Variants in RGS3 observed in about 807,000 individuals in gnomAD.
RGS3 encodes the protein regulator of G-protein signalling 3.
A neutral mutation model predicts 132.6 loss-of-function variants in RGS3; 80 were observed. That is an observed-to-expected ratio of 0.60 (90% confidence interval 0.50 to 0.73). The LOEUF is 0.73. Among genes scored for constraint, RGS3 ranks in the 30% least tolerant of loss-of-function variants. The pLI, the probability that RGS3 is intolerant of heterozygous loss-of-function variation, is 0.00. For missense variants in RGS3, 1,382 were observed against 1,530.8 expected, an observed-to-expected ratio of 0.90 and a Z score of 1.62; for synonymous variants, 598 against 620.6, an observed-to-expected ratio of 0.96 and a Z score of 0.54.
chr9:113,586,107 T>A (rs887386439), intron 20 of RGS3, among the ~76,000 whole-genome samples: 20 of 152,334 alleles, frequency 1.3e-4, no homozygotes, highest in African/African-American at 4.8e-4. Context: ...GGGATCATGA[T>A]CTTGCCAAAG....
At chr9:113,580,503 C>T (rs949764545) in intron 19 of RGS3, among the ~76,000 whole-genome samples, 2 of 152,222 alleles carry the variant, frequency 1.3e-5, no homozygotes, top group South Asian at 4.1e-4. Context: ...TCACTGGGCT[C>T]AATTCCAGAT....
chr9:113,572,364 C>A (rs1834328011), intron 19 of RGS3, among the ~76,000 whole-genome samples: 1 of 151,936 alleles, frequency 6.6e-6, no homozygotes, highest in South Asian at 2.1e-4. Flanking sequence ...TGACATCACC[C>A]CCAAGCAGAG....
chr9:113,545,807 G>A (rs1833089402), intron 19 of RGS3, among the ~76,000 whole-genome samples: 1 of 152,186 alleles, frequency 6.6e-6, no homozygotes, highest in Admixed American at 6.5e-5. Flanking sequence ...CTTACAAGGT[G>A]TGTTACCCCT....
chr9:113,572,028 T>C (rs1294386513), intron 19 of RGS3, among the ~76,000 whole-genome samples: 1 of 151,990 alleles, frequency 6.6e-6, no homozygotes, highest in Non-Finnish European at 1.5e-5. Flanking sequence ...GAAGAATGAG[T>C]AGAGCTTCAG....
chr9:113,502,611 G>A (rs1830950703), intron 10 of RGS3, among the ~76,000 whole-genome samples: 2 of 152,230 alleles, frequency 1.3e-5, no homozygotes, highest in African/African-American at 2.4e-5. Context: ...ATGGCAGAGT[G>A]GTGAGACAGA....
chr9:113,582,360 G>T, intron 19 of RGS3: 1 of 261,712 alleles, frequency 3.8e-6, no homozygotes, highest in Non-Finnish European at 5.9e-6. Context: ...TTTTCTGCCA[G>T]TGTGCGCGTG....
intron 7 of RGS3, among the ~76,000 whole-genome samples, chr9:113,492,001 G>T (rs577193875): frequency 1.3e-5 from 2 of 152,290 alleles, no homozygotes; most frequent in South Asian, 4.1e-4. Context: ...GTGGCCTAAC[G>T]TCAGAAAGCT....
intron 10 of RGS3, among the ~76,000 whole-genome samples, chr9:113,499,226 C>CAAAA (rs57507668): frequency 6.6e-5 from 4 of 60,612 alleles, no homozygotes; most frequent in Non-Finnish European, 9.8e-5. Context: ...GATTCCATCT[C>CAAAA]AAAAAAAAAA....
At chr9:113,569,942 C>T (rs1588267477) in intron 19 of RGS3, among the ~76,000 whole-genome samples, 2 of 152,136 alleles carry the variant, frequency 1.3e-5, no homozygotes, top group African/African-American at 4.8e-5. Context: ...GTCTATCCAC[C>T]CCTCAGAGGT....
chr9:113,523,024 G>A, exon 17 of RGS3: 1 of 1,612,760 alleles, frequency 6.2e-7, no homozygotes, highest in Non-Finnish European at 8.5e-7. Context: ...TACCTCCAGA[G>A]TGTGAAGCTG....
chr9:113,463,830 C>T lies in RGS3; in HGVS notation c.415+1629C>T, dbSNP rs765116949. ...GGAGCGCTCCCTGCACCGCGTCTCC[C>T]TCGGGAGCCGGCGTGCCCACCCGGA... On this transcript the variant is annotated intron_variant, in intron 3 of 24. Transcript: ENST00000350696. This position sits in a 1 kb window ranked among gnomAD's most constrained non-coding sequence, Gnocchi z 4.6. 3.7e-6 allele frequency: 6 copies of T among 1,612,982 alleles called. No individual in the cohort carries two copies. Among genetic ancestry groups the T allele is most frequent in the South Asian group, 1.1e-5 (1 of 91,008 alleles).
intron 3 of RGS3, 173 bp from the exon 2 acceptor site, chr9:113,479,318 G>A: frequency 1.4e-6 from 1 of 691,124 alleles, no homozygotes; most frequent in Non-Finnish European, 2.6e-6. Flanking sequence ...TCCCGATGTG[G>A]TGGGCGGGGC....
Position 113,506,527 on chromosome 9 carries a change from G to A in RGS3, c.1085+34G>A, listed in dbSNP as rs1324506333. The stretch of plus-strand genomic sequence containing the variant: ...GGACAGCGGGTGGCCTGGGGCCTCA[G>A]GCTGATGGCACACCCTCCCCACCCC... On this transcript the variant is annotated intron_variant, in intron 12 of 24. Transcript: ENST00000350696. The surrounding 1 kb of genome is among the most constrained non-coding windows in gnomAD (Gnocchi z 4.7). 6 of 1,417,778 alleles carry A rather than the reference G, an allele frequency of 4.2e-6. No homozygotes were observed. In the Admixed American group the frequency reaches 7.9e-5, roughly 19 times the overall value. The allele number at this position is 1,417,778 out of a possible 1,614,324, so 87.8% of individuals were successfully genotyped here. A position where few individuals can be genotyped will look rare whatever the true frequency, so the allele number is the denominator to read the frequency against.
At chr9:113,473,313 G>A (rs1204632608) in intron 3 of RGS3, among the ~76,000 whole-genome samples, 1 of 152,184 alleles carries the variant, frequency 6.6e-6, no homozygotes, top group Non-Finnish European at 1.5e-5. Flanking sequence ...AACAGTGGGG[G>A]CCCTGGACTG....
exon 20 of RGS3, chr9:113,583,833 C>A (rs1322648221): frequency 3.1e-6 from 5 of 1,613,902 alleles, no homozygotes; most frequent in African/African-American, 2.7e-5. Flanking sequence ...AGGAATCCCC[C>A]ACCCGGGACC....
chr9:113,500,688 T>A (rs1018756790), intron 10 of RGS3, among the ~76,000 whole-genome samples: 1 of 87,306 alleles, frequency 1.1e-5, no homozygotes, highest in South Asian at 3.3e-4. Flanking sequence ...ATAAATTGAC[T>A]TTTTTTTTTT....
intron 10 of RGS3, among the ~76,000 whole-genome samples, chr9:113,504,570 C>T (rs1208447766): frequency 6.6e-6 from 1 of 152,192 alleles, no homozygotes; most frequent in Non-Finnish European, 1.5e-5. Flanking sequence ...TTAGTGCCCG[C>T]TGTGCCCTGC....
At chr9:113,459,209 T>C (rs1829418597), upstream of RGS3, among the ~76,000 whole-genome samples, 1 of 152,218 alleles carries the variant, frequency 6.6e-6, no homozygotes, top group African/African-American at 2.4e-5. Context: ...TCTGAAATAG[T>C]TAAAACTACA....
intron 20 of RGS3, among the ~76,000 whole-genome samples, chr9:113,590,170 T>C (rs1198436705): frequency 6.6e-6 from 1 of 152,238 alleles, no homozygotes; most frequent in Non-Finnish European, 1.5e-5. Flanking sequence ...GTCACTTACA[T>C]GCTGGGTCTC....
Sources: gnomAD v4.1 joint callset for allele counts (sites outside exome capture counted in the v4.1 genomes callset) on GRCh38, gnomAD v4.1.1 for gene constraint, Gnocchi (gnomAD v3.1) non-coding constraint, MANE v1.5 for transcripts, NCBI Gene and HGNC (gene_info 2026-07-23, HGNC 2026-07-21) for gene names.